Variants in DNHD1 observed in about 807,000 individuals in gnomAD.
DNHD1 encodes dynein heavy chain domain-containing protein 1.
In DNHD1, 383 loss-of-function variants were observed where a neutral mutation model predicts 458.1. That is an observed-to-expected ratio of 0.84 (90% CI 0.77 to 0.91). DNHD1 has a LOEUF of 0.91. Among genes scored for constraint, DNHD1 ranks in the 40% least tolerant of loss-of-function variants. The pLI is 0.00. For missense variants in DNHD1, 5,336 were observed against 5,866.1 expected (o/e 0.91, Z 2.95); for synonymous variants, 2,203 against 2,376.9 (o/e 0.93, Z 2.13).
intron 3 of DNHD1, among the ~76,000 whole-genome samples, chr11:6,500,685 A>C (rs1852115464): frequency 6.6e-6 from 1 of 152,164 alleles, no homozygotes; most frequent in African/African-American, 2.4e-5. Context: ...GGTCTAGCTA[A>C]TATGGCTTAA....
rs1208265806 is a variant in DNHD1 at position 6,571,301 on chromosome 11, C to G, written c.13789C>G (p.Arg4597Gly). 7 of 1,612,036 alleles carry G rather than the reference C, an allele frequency of 4.3e-6. No individual in the cohort carries two copies. Among genetic ancestry groups the G allele is most frequent in the Non-Finnish European group, 5.9e-6 (7 of 1,179,560 alleles). The change falls in exon 42 of 43, where the codon CGT becomes GGT. Residue 4597 changes from arginine (R) to glycine (G), a missense_variant. Arg to Gly is a moderately radical substitution (Grantham distance 125). Around this residue, in one of 4 missense-constraint regions of DNHD1, gnomAD observed 698 missense variants for 664.9 expected, o/e 1.05. Transcript: ENST00000254579. This position sits in a 1 kb window ranked among gnomAD's most constrained non-coding sequence, Gnocchi z 5.0. ...CCCGCGCCGCCTGCTGCTGGCATTG[C>G]GTGGGGAAGCTGCCCTGGACCAGAA... Reference protein sequence around the residue: ...RHPRRLLLALRGEAALDQNVP... With the variant: ...RHPRRLLLALGGEAALDQNVP...
At chr11:6,559,662 T>C (rs1853545417) in intron 28 of DNHD1, among the ~76,000 whole-genome samples, 1 of 152,236 alleles carries the variant, frequency 6.6e-6, no homozygotes, top group African/African-American at 2.4e-5. Flanking sequence ...CATAACACTT[T>C]GTCCCCATAC....
At chr11:6,521,884 T>G (rs991868776) in intron 10 of DNHD1, among the ~76,000 whole-genome samples, 2 of 152,128 alleles carry the variant, frequency 1.3e-5, no homozygotes, top group African/African-American at 4.8e-5. Flanking sequence ...GCCTGGCTAA[T>G]TTTTAAATTT....
At chr11:6,524,302 A>T (rs952850607) in intron 10 of DNHD1, among the ~76,000 whole-genome samples, 4 of 152,200 alleles carry the variant, frequency 2.6e-5, no homozygotes, top group Non-Finnish European at 5.9e-5. Flanking sequence ...ACAGAATTTG[A>T]AAGTAGAATA....
chr11:6,525,330 C>T (rs1322697701), intron 10 of DNHD1, among the ~76,000 whole-genome samples: 3 of 152,142 alleles, frequency 2.0e-5, no homozygotes, highest in Non-Finnish European at 2.9e-5. Flanking sequence ...AAATGGCTGA[C>T]GTTCTCAGTG....
intron 29 of DNHD1, 88 bp downstream of exon 29, chr11:6,563,219 G>T: frequency 6.5e-7 from 1 of 1,541,330 alleles, no homozygotes; most frequent in South Asian, 1.2e-5. Context: ...AGGATGGAGT[G>T]ACTCATCATG....
intron 14 of DNHD1, among the ~76,000 whole-genome samples, chr11:6,535,918 G>GAA: frequency 6.6e-6 from 1 of 151,518 alleles, no homozygotes; most frequent in Admixed American, 6.6e-5. Context: ...TAAAAAAAAA[G>GAA]AAAGAAAGAA....
chr11:6,527,255 G>A (rs1852728360), intron 10 of DNHD1, among the ~76,000 whole-genome samples: 1 of 152,118 alleles, frequency 6.6e-6, no homozygotes, highest in South Asian at 2.1e-4. Flanking sequence ...AGGAGGCAAG[G>A]GCCAATGCAG....
chr11:6,554,058 G>C (rs1470725512), intron 24 of DNHD1, among the ~76,000 whole-genome samples: 1 of 151,962 alleles, frequency 6.6e-6, no homozygotes, highest in Non-Finnish European at 1.5e-5. Context: ...AACAAAGTTG[G>C]GACACCTACA....
In DNHD1 at chr11:6,556,958, C is replaced by T. The variant is rs201647786; in HGVS notation, c.7663C>T (p.Arg2555Trp). ...AWLERFPSVE[R>W]ERALARGLVR... ...GCTTGAGCGTTTCCCTTCTGTGGAA[C>T]GGGAGCGTGCTCTGGCACGAGGTCT... The change falls in exon 25 of 43, where the codon CGG becomes TGG. Residue 2555 changes from arginine to tryptophan, a missense_variant. This residue lies in a region of DNHD1 where 3,932 missense variants were observed against 4,365.6 expected (regional missense o/e 0.90). Transcript: ENST00000254579. 463 of 1,551,734 alleles carry T rather than the reference C, an allele frequency of 3.0e-4. No homozygotes were observed. Among genetic ancestry groups the T allele is most frequent in the Non-Finnish European group, 3.7e-4 (424 of 1,147,012 alleles).
chr11:6,524,404 C>T (rs1852666558), intron 10 of DNHD1, among the ~76,000 whole-genome samples: 1 of 152,202 alleles, frequency 6.6e-6, no homozygotes, highest in South Asian at 2.1e-4. Flanking sequence ...TGCCCTGATT[C>T]CTGAGTCCAG....
rs528267237 is a variant in DNHD1 at position 6,564,102 on chromosome 11, G to A, written c.10262G>A (p.Arg3421His). The change falls in exon 31 of 43, where the codon CGT (arginine) becomes CAT (histidine). Residue 3421 changes from arginine (R) to histidine (H), a missense_variant. By Grantham distance (29) the Arg-to-His change is conservative. Transcript: ENST00000254579. Reference protein sequence around the residue: ...PMKAALLTPMRAWTTQLQKLK... With the variant: ...PMKAALLTPMHAWTTQLQKLK... The stretch of plus-strand genomic sequence containing the variant: ...AAGGCTGCACTGCTCACGCCTATGC[G>A]TGCCTGGACTACACAGCTCCAGGTA... The A allele has an allele frequency of 1.0e-5, 16 of 1,551,100 alleles. No homozygotes were observed. The highest frequency in any genetic ancestry group is 8.3e-5 in the South Asian group (7 of 84,064).
intron 7 of DNHD1, among the ~76,000 whole-genome samples, chr11:6,517,530 A>G (rs1427786633): frequency 1.3e-5 from 2 of 152,124 alleles, no homozygotes; most frequent in Non-Finnish European, 2.9e-5. Flanking sequence ...ACAATGAAAT[A>G]TTATTCAGTC....
intron 30 of DNHD1, 21 bp downstream of exon 30, chr11:6,563,585 TGAA>T (rs1853628290): frequency 3.9e-6 from 6 of 1,550,450 alleles, no homozygotes; most frequent in Non-Finnish European, 5.2e-6. Flanking sequence ...TGGAGCACAA[TGAA>T]GGAGGATAGG....
At chr11:6,521,481 G>A (rs1852602826) in intron 10 of DNHD1, among the ~76,000 whole-genome samples, 2 of 152,076 alleles carry the variant, frequency 1.3e-5, no homozygotes, top group Admixed American at 6.5e-5. Flanking sequence ...AAAAGCACAC[G>A]GATTGGTATG....
In DNHD1 at chr11:6,546,640, C is replaced by T. The variant is rs1047004397; in HGVS notation, c.5701C>T (p.Arg1901Cys). Residue 1901 changes from arginine (R) to cysteine (C), a missense_variant, in exon 21 of 43, where the codon CGC (arginine) becomes TGC (cysteine). Around this residue, in one of 4 missense-constraint regions of DNHD1, gnomAD observed 3,932 missense variants for 4,365.6 expected, o/e 0.90. Coordinates refer to ENST00000254579, the MANE Select transcript of DNHD1 (RefSeq NM_144666.3). Reference protein sequence around the residue: ...TKEEPKCQKPRSLAAIEEAAL... With the variant: ...TKEEPKCQKPCSLAAIEEAAL... Reference sequence around the variant, plus strand: ...GGAGGAACCGAAGTGCCAGAAGCCTCGCAGCCTAGCTGCCATTGAGGAGGC... The same window carrying T: ...GGAGGAACCGAAGTGCCAGAAGCCTTGCAGCCTAGCTGCCATTGAGGAGGC... The T allele has an allele frequency of 2.6e-5, 40 of 1,550,960 alleles. No individual in the cohort carries two copies. Among genetic ancestry groups the T allele is most frequent in the African/African-American group, 1.8e-4 (13 of 72,918 alleles).
At position 6,546,493 on chromosome 11, in the gene DNHD1, G is replaced by T; in HGVS notation, c.5554G>T (p.Ala1852Ser). 2 of 1,550,622 alleles carry T rather than the reference G, an allele frequency of 1.3e-6. No homozygotes were observed. The highest frequency in any genetic ancestry group is 8.7e-7 in the Non-Finnish European group (1 of 1,147,000). ...AGGGATGAGGGATGCCTTCCAGATG[G>T]CTACCCGCCTATCCAAATTCTTCTC... ...GAGMRDAFQM[A>S]TRLSKFFSLE... Residue 1852 changes from alanine (A) to serine (S), a missense_variant, in exon 21 of 43, where the codon GCT becomes TCT. Physicochemically the swap from Ala to Ser is moderately conservative, Grantham distance 99. This residue lies in a region of DNHD1 where 3,932 missense variants were observed against 4,365.6 expected (regional missense o/e 0.90). Coordinates refer to ENST00000254579, the MANE Select transcript of DNHD1 (RefSeq NM_144666.3).
Position 6,564,416 on chromosome 11 carries a change from A to G in DNHD1, c.10368A>G (p.Pro3456=). Residue 3456 remains proline (P), a synonymous_variant, in exon 32 of 43, where the codon CCA becomes CCG. Coordinates refer to ENST00000254579, the MANE Select transcript of DNHD1 (RefSeq NM_144666.3). ...TCATCTACCTGGGTCCCTTCCCACC[A>G]TTGCGGCGCCAAGAGCTACTGGACG... ...AAIIYLGPFP[P]LRRQELLDEW... is the part of the protein sequence containing the mutation. 1 of 1,551,626 alleles carries G rather than the reference A, an allele frequency of 6.4e-7. No homozygotes were observed. The highest frequency in any genetic ancestry group is 8.7e-7 in the Non-Finnish European group (1 of 1,146,960).
intron 10 of DNHD1, chr11:6,520,521 T>C: frequency 7.2e-7 from 1 of 1,384,212 alleles, no homozygotes; most frequent in East Asian, 2.6e-5. Context: ...TGAGAGGGTG[T>C]ATGAAAGAGT....
Sources: allele counts gnomAD v4.1 joint callset (sites outside exome capture counted in the v4.1 genomes callset), GRCh38; gene constraint gnomAD v4.1.1; regional missense constraint gnomAD v4.1.1; non-coding constraint Gnocchi (gnomAD v3.1); transcripts MANE v1.5; gene names NCBI Gene and HGNC (gene_info 2026-07-23, HGNC 2026-07-21).